Variants in RFX3 observed in about 807,000 individuals in gnomAD.
RFX3 encodes regulatory factor X3.
In RFX3, 14 loss-of-function variants were observed where a neutral mutation model predicts 98.6. The ratio of observed to expected loss-of-function variants is 0.14; its 90% confidence interval spans 0.09 to 0.22. RFX3 has a LOEUF of 0.22. RFX3 is among the 10% of genes least tolerant of loss of function. The probability of loss-of-function intolerance (pLI) is 1.00; values close to 1 mark genes in which losing one functional copy is unlikely to be tolerated. For synonymous variants in RFX3, 383 were observed against 328.4 expected, an observed-to-expected ratio of 1.17 and a Z score of -1.80; for missense variants, 639 against 926.9, an observed-to-expected ratio of 0.69 and a Z score of 4.03.
At chr9:3,369,996 T>TTG (rs1491109990) in intron 2 of RFX3, among the ~76,000 whole-genome samples, 6 of 74,172 alleles carry the variant, frequency 8.1e-5, no homozygotes, top group African/African-American at 6.0e-4. Flanking sequence ...GCCCGGCTAA[T>TTG]TTTTTTTTTT....
intron 1 of RFX3, among the ~76,000 whole-genome samples, chr9:3,475,823 T>C (rs960072186): frequency 6.6e-6 from 1 of 151,890 alleles, no homozygotes; most frequent in African/African-American, 2.4e-5. Flanking sequence ...AGAGGTGGAG[T>C]AGAGTGTCTT....
intron 1 of RFX3, among the ~76,000 whole-genome samples, chr9:3,490,779 G>A (rs1383042402): frequency 6.6e-6 from 1 of 152,054 alleles, no homozygotes; most frequent in African/African-American, 2.4e-5. Context: ...CAGCTGACAT[G>A]CATTTGCTCA....
At chr9:3,403,375 ATGT>A (rs1841661835) in intron 1 of RFX3, among the ~76,000 whole-genome samples, 1 of 152,126 alleles carries the variant, frequency 6.6e-6, no homozygotes, top group East Asian at 1.9e-4. Context: ...TTTAGGTTTG[ATGT>A]TGTAATCCTC....
At position 3,456,660 on chromosome 9, in the gene RFX3, C is replaced by T. The variant is rs141202352; in HGVS notation, c.-8-61064G>A. On this transcript the variant is annotated intron_variant, in intron 1 of 16. Transcript: ENST00000617270. ...TTTACTTGGCCCAATAACCTAACTC[C>T]TAATTTGGCCATCTATTAAATATGT... Among the ~76,000 whole-genome samples the T allele has an allele frequency of 1.9e-3, 289 of 152,280 alleles. 1 individual carries two copies. Among genetic ancestry groups the T allele is most frequent in the Non-Finnish European group, 3.0e-3 (202 of 68,026 alleles).
chr9:3,404,103 AC>A (rs1256048478), intron 1 of RFX3, among the ~76,000 whole-genome samples: 10 of 152,164 alleles, frequency 6.6e-5, no homozygotes, highest in African/African-American at 2.4e-4. Flanking sequence ...GAAACAATAT[AC>A]CCCATTTTAA....
At chr9:3,498,063 T>C (rs921877675) in intron 1 of RFX3, among the ~76,000 whole-genome samples, 1 of 151,998 alleles carries the variant, frequency 6.6e-6, no homozygotes, top group African/African-American at 2.4e-5. Context: ...CTAGCAGCTA[T>C]ATGAGGATCT....
intron 1 of RFX3, chr9:3,400,170 T>G (rs1587519049): frequency 1.2e-6 from 1 of 849,716 alleles, no homozygotes; most frequent in East Asian, 1.2e-4. Flanking sequence ...AGATGTTACA[T>G]CACTTACCGA....
At chr9:3,250,016 A>C (rs565921900) in intron 14 of RFX3, among the ~76,000 whole-genome samples, 2 of 152,084 alleles carry the variant, frequency 1.3e-5, no homozygotes, top group South Asian at 4.1e-4. Flanking sequence ...ATATAACTCT[A>C]TCCACGTCTT....
chr9:3,277,663 T>C (rs983317563), intron 7 of RFX3, among the ~76,000 whole-genome samples: 2 of 151,928 alleles, frequency 1.3e-5, no homozygotes, highest in African/African-American at 4.8e-5. Flanking sequence ...GGAGAAGGGA[T>C]GCATGAAGGG....
chr9:3,492,329 C>A (rs955140575), intron 1 of RFX3, among the ~76,000 whole-genome samples: 1 of 152,228 alleles, frequency 6.6e-6, no homozygotes, highest in Admixed American at 6.5e-5. Context: ...ACACTCATGT[C>A]AGATGTCCCT....
chr9:3,473,675 T>C (rs1206333516), intron 1 of RFX3, among the ~76,000 whole-genome samples: 1 of 152,090 alleles, frequency 6.6e-6, no homozygotes, highest in Admixed American at 6.5e-5. Flanking sequence ...ACACTTCTGC[T>C]CCCAACTGCT....
At chr9:3,333,488 ATTC>A (rs1401301932) in intron 3 of RFX3, among the ~76,000 whole-genome samples, 1 of 148,702 alleles carries the variant, frequency 6.7e-6, no homozygotes. Flanking sequence ...TACACGTACC[ATTC>A]TTCTCATCAC....
chr9:3,344,367 A>G (rs1834208316), intron 3 of RFX3, among the ~76,000 whole-genome samples: 1 of 152,172 alleles, frequency 6.6e-6, no homozygotes, highest in Non-Finnish European at 1.5e-5. Context: ...CCAGTTGGGC[A>G]TCCTTAAGCT....
chr9:3,503,634 G>C (rs1816290866), intron 1 of RFX3, among the ~76,000 whole-genome samples: 1 of 151,984 alleles, frequency 6.6e-6, no homozygotes, highest in Non-Finnish European at 1.5e-5. Context: ...CAAAATAATA[G>C]AATTCAAGAC....
intron 1 of RFX3, among the ~76,000 whole-genome samples, chr9:3,523,843 A>T (rs1818957731): frequency 1.3e-5 from 2 of 152,212 alleles, no homozygotes; most frequent in Admixed American, 1.3e-4. Context: ...ATTATAAACA[A>T]ATCTGAGTGC....
chr9:3,505,451 A>AAAATAAAATACTTTATATTTTATAT (rs1564187575), intron 1 of RFX3, among the ~76,000 whole-genome samples: 1 of 24,718 alleles, frequency 4.0e-5, no homozygotes, highest in African/African-American at 9.5e-5. Context: ...ATATTTATAT[A>AAAATAAAATACTTTATATTTTATAT]AAATATAAAA....
At chr9:3,366,571 T>C (rs1279076088) in intron 2 of RFX3, among the ~76,000 whole-genome samples, 1 of 152,196 alleles carries the variant, frequency 6.6e-6, no homozygotes, top group Non-Finnish European at 1.5e-5. Flanking sequence ...TAGTATCTTC[T>C]GAGATTAAAT....
chr9:3,333,707 G>C (rs1487592519), intron 3 of RFX3, among the ~76,000 whole-genome samples: 3 of 152,032 alleles, frequency 2.0e-5, no homozygotes, highest in Non-Finnish European at 4.4e-5. Context: ...AGTCAAATAA[G>C]CTGTACAAAT....
Position 3,301,526 on chromosome 9 carries a change from A to G in RFX3, c.549+20T>C, listed in dbSNP as rs950529901. On this transcript the variant is annotated intron_variant, in intron 5 of 16. Transcript: ENST00000617270. ...CAGAACAAGCAAGAGATTAGTGTACATGAAGAAGAGGCAACTTACATGGCT... is the reference window on the plus strand; with the variant it reads ...CAGAACAAGCAAGAGATTAGTGTACGTGAAGAAGAGGCAACTTACATGGCT... 2.4e-5 allele frequency: 37 copies of G among 1,562,864 alleles called. No homozygotes were observed. Among genetic ancestry groups the G allele is most frequent in the Non-Finnish European group, 3.3e-5 (37 of 1,137,122 alleles).
Sources: allele counts gnomAD v4.1 joint callset (sites outside exome capture counted in the v4.1 genomes callset), GRCh38; gene constraint gnomAD v4.1.1; transcripts MANE v1.5; gene names NCBI Gene and HGNC (gene_info 2026-07-23, HGNC 2026-07-21).